The following ADAMTSL1 variants were observed in gnomAD, a reference collection of about 807,000 sequenced individuals.
The protein encoded by ADAMTSL1 is ADAMTS-like protein 1.
Under a neutral mutation model 201.8 loss-of-function variants are expected in ADAMTSL1, and 126 were observed. That is an observed-to-expected ratio of 0.62 (90% confidence interval 0.54 to 0.72). The LOEUF is 0.72. ADAMTSL1 is among the 30% of genes least tolerant of loss of function. The pLI, the probability that ADAMTSL1 is intolerant of heterozygous loss-of-function variation, is 0.00. For synonymous variants in ADAMTSL1, 1,121 were observed against 903.4 expected (o/e 1.24, Z -4.32); for missense variants, 2,679 against 2,277.8 (o/e 1.18, Z -3.59).
intron 5 of ADAMTSL1, among the ~76,000 whole-genome samples, chr9:18,632,254 A>G (rs1030437971): frequency 3.3e-5 from 5 of 152,242 alleles, no homozygotes; most frequent in Non-Finnish European, 7.3e-5. Context: ...AGAAAGTGAG[A>G]CAATTATTAA....
At chr9:18,504,259 C>A (rs1823001715) in intron 1 of ADAMTSL1, among the ~76,000 whole-genome samples, 1 of 152,156 alleles carries the variant, frequency 6.6e-6, no homozygotes, top group Non-Finnish European at 1.5e-5. Context: ...TCCTAGAAAG[C>A]CTGTAAATAA....
rs556832299 is a variant in ADAMTSL1, at chr9:18,000,909, T to C, written c.87+93987T>C. Among the ~76,000 whole-genome samples, 5 of 152,168 alleles carry C rather than the reference T, an allele frequency of 3.3e-5. No homozygotes were observed. In the South Asian group the frequency reaches 1.0e-3, roughly 32 times the overall value. The stretch of plus-strand genomic sequence containing the variant: ...GCCTTTGTATCACATTTTTCAAAAC[T>C]TCAGTTCCAGGAAGTGACTGTCTGA... On this transcript the variant is annotated intron_variant, in intron 1 of 29. Coordinates refer to the ADAMTSL1 transcript ENST00000680146.
chr9:18,475,318 T>C lies in ADAMTSL1; in HGVS notation c.63+1023T>C, dbSNP rs989291452. ...CATTGATTCCTTGATGGGGAAGGAA[T>C]GTTTGTTCTGATTATATTCTGACAA... is the stretch of plus-strand genomic sequence containing the variant. On this transcript the variant is annotated intron_variant, in intron 1 of 28. Transcript: ENST00000380548. 3.9e-5 allele frequency among the ~76,000 whole-genome samples: 6 copies of C among 152,300 alleles called. No individual in the cohort carries two copies. In the East Asian group the frequency reaches 1.2e-3, roughly 29 times the overall value.
chr9:18,577,591 G>A (rs1301371722), intron 4 of ADAMTSL1, among the ~76,000 whole-genome samples: 4 of 152,084 alleles, frequency 2.6e-5, no homozygotes, highest in Non-Finnish European at 5.9e-5. Flanking sequence ...TCAATCTGTG[G>A]AAAATGAATT....
intron 2 of ADAMTSL1, among the ~76,000 whole-genome samples, chr9:18,311,358 A>AT (rs1834149003): frequency 6.6e-6 from 1 of 152,144 alleles, no homozygotes; most frequent in African/African-American, 2.4e-5. Context: ...ATAAAAAAAA[A>AT]AAGTATAATC....
intron 2 of ADAMTSL1, among the ~76,000 whole-genome samples, chr9:18,380,328 C>T (rs952122164): frequency 2.6e-5 from 4 of 151,534 alleles, no homozygotes; most frequent in African/African-American, 7.3e-5. Flanking sequence ...ATTTGTGAAA[C>T]AAAAAGAGAG....
At chr9:18,434,047 G>A (rs1480441304) in intron 2 of ADAMTSL1, among the ~76,000 whole-genome samples, 4 of 152,140 alleles carry the variant, frequency 2.6e-5, no homozygotes, top group African/African-American at 7.2e-5. Context: ...GAACTTTTAT[G>A]TAACTTTTCC....
At chr9:18,280,391 C>A (rs1020134761) in intron 2 of ADAMTSL1, among the ~76,000 whole-genome samples, 8 of 144,246 alleles carry the variant, frequency 5.5e-5, no homozygotes, top group Admixed American at 2.8e-4. Flanking sequence ...TTTTAATCAG[C>A]TTGTTTATCT....
In ADAMTSL1 at chr9:18,375,381, A is replaced by G. The variant is rs187543936; in HGVS notation, c.208-129448A>G. On this transcript the variant is annotated intron_variant, in intron 2 of 29. Coordinates refer to the ADAMTSL1 transcript ENST00000680146. ...TATTATACTTTAAGTTCTAGGGTAC[A>G]TGTGCACAACGTTCAGGTTTTTGGG... Among the ~76,000 whole-genome samples, 249 of 152,262 alleles carry G rather than the reference A, an allele frequency of 1.6e-3. 1 individual carries two copies. The highest frequency in any genetic ancestry group is 3.0e-3 in the Non-Finnish European group (205 of 68,014).
intron 1 of ADAMTSL1, among the ~76,000 whole-genome samples, chr9:18,099,922 G>A (rs193244477): frequency 4.6e-5 from 7 of 152,016 alleles, no homozygotes; most frequent in South Asian, 2.1e-4. Flanking sequence ...CGCTGCGCCC[G>A]GCCCTTTTTC....
intron 2 of ADAMTSL1, among the ~76,000 whole-genome samples, chr9:18,416,773 T>C (rs1451769792): frequency 6.6e-6 from 1 of 151,978 alleles, no homozygotes; most frequent in Non-Finnish European, 1.5e-5. Flanking sequence ...TTCTAAATGC[T>C]TAAAGCAAAA....
chr9:18,768,535 A>G (rs544857039), intron 16 of ADAMTSL1, among the ~76,000 whole-genome samples: 51 of 139,994 alleles, frequency 3.6e-4, no homozygotes, highest in South Asian at 4.5e-4. Context: ...TTAGCCTTCA[A>G]TGCTTCAATG....
chr9:18,284,924 G>T (rs1213418876), intron 2 of ADAMTSL1, among the ~76,000 whole-genome samples: 1 of 151,468 alleles, frequency 6.6e-6, no homozygotes, highest in Non-Finnish European at 1.5e-5. Context: ...ATGTGCCACA[G>T]TCTGTTTAAT....
chr9:18,858,362 C>T (rs1826999576), intron 23 of ADAMTSL1, among the ~76,000 whole-genome samples: 1 of 152,158 alleles, frequency 6.6e-6, no homozygotes, highest in Admixed American at 6.5e-5. Flanking sequence ...ACCACTGCAC[C>T]CCTGGTTTAG....
rs959002673 is a variant in ADAMTSL1 at position 18,680,599 on chromosome 9, A to G, written c.1341+83A>G. 14 of 1,477,194 alleles carry G rather than the reference A, an allele frequency of 9.5e-6. No individual in the cohort carries two copies. In the East Asian group the frequency reaches 1.4e-4, roughly 14 times the overall value. The allele number at this position is 1,477,194 out of a possible 1,614,324, so 91.5% of individuals were successfully genotyped here. A position where few individuals can be genotyped will look rare whatever the true frequency, so the allele number is the denominator to read the frequency against. On this transcript the variant is annotated intron_variant, in intron 11 of 28. Coordinates refer to ENST00000380548, the MANE Select transcript of ADAMTSL1 (RefSeq NM_001040272.6). ...CATCATGGCCCCACCGGGTACCCTG[A>G]GCAGCTCCACACTCTTCTTGAGGTG...
chr9:17,912,713 G>A lies in ADAMTSL1; in HGVS notation c.87+5791G>A, dbSNP rs1167350413. Among the ~76,000 whole-genome samples the A allele has an allele frequency of 3.5e-3, 225 of 64,870 alleles. 45 individuals carry two copies. The highest frequency in any genetic ancestry group is 6.4e-3 in the African/African-American group (210 of 32,686). The allele number at this position is 64,870 out of a possible 152,430, so 42.6% of individuals were successfully genotyped here. ...TAATTAGATCCCATTTGTCAATTTT[G>A]GCTTTTGTTGCCATTGTTTTTGGTG... On this transcript the variant is annotated intron_variant, in intron 1 of 29. Coordinates refer to the ADAMTSL1 transcript ENST00000680146.
At chr9:18,303,912 C>T (rs572016490) in intron 2 of ADAMTSL1, among the ~76,000 whole-genome samples, 53 of 152,200 alleles carry the variant, frequency 3.5e-4, no homozygotes, top group African/African-American at 1.3e-3. Flanking sequence ...CCTTTCACTT[C>T]CTCCTTTCTC....
intron 1 of ADAMTSL1, among the ~76,000 whole-genome samples, chr9:18,077,758 A>G (rs1823297182): frequency 6.6e-6 from 1 of 152,196 alleles, no homozygotes; most frequent in African/African-American, 2.4e-5. Flanking sequence ...AAAAAAATGC[A>G]TATTTGTATG....
intron 14 of ADAMTSL1, among the ~76,000 whole-genome samples, chr9:18,720,933 T>C (rs1241223857): frequency 1.3e-5 from 2 of 152,216 alleles, no homozygotes; most frequent in African/African-American, 4.8e-5. Flanking sequence ...AAGGTTGTTT[T>C]CCACGGCTGT....
Sources: allele counts gnomAD v4.1 joint callset (sites outside exome capture counted in the v4.1 genomes callset), GRCh38; gene constraint gnomAD v4.1.1; transcripts MANE v1.5; gene names NCBI Gene and HGNC (gene_info 2026-07-23, HGNC 2026-07-21).